RAB38: variants seen among roughly 807,000 people sequenced by gnomAD.
The protein encoded by RAB38 is ras-related protein Rab-38.
A neutral mutation model predicts 18.4 loss-of-function variants in RAB38; 15 were observed. That is an observed-to-expected ratio of 0.82 (90% CI 0.55 to 1.26). The LOEUF is 1.26. RAB38 is among the 50% of genes most tolerant of loss of function. RAB38 has a pLI of 0.00. For synonymous variants in RAB38, 101 were observed against 104.4 expected (o/e 0.97, Z 0.20); for missense variants, 294 against 267.4 (o/e 1.10, Z -0.69).
chr11:88,097,932 T>TG, the RAB38 span: 1 of 151,942 alleles, frequency 6.6e-6, no homozygotes, highest in African/African-American at 2.4e-5. Context: ...GAGTATCACT[T>TG]TATCAATACT....
the RAB38 span, among the ~76,000 whole-genome samples, chr11:88,075,269 C>T: frequency 1.3e-5 from 2 of 152,162 alleles, no homozygotes; most frequent in Non-Finnish European, 2.9e-5. Flanking sequence ...GCACATGGAA[C>T]ATTCTACAAA....
At chr11:87,890,896 T>C in the RAB38 span, among the ~76,000 whole-genome samples, 40 of 151,856 alleles carry the variant, frequency 2.6e-4, no homozygotes, top group Non-Finnish European at 5.3e-4. Context: ...ACTGAAAACA[T>C]GGGAACCCTT....
chr11:88,129,193 G>A (rs1942739272), intron 2 of RAB38, among the ~76,000 whole-genome samples: 1 of 152,118 alleles, frequency 6.6e-6, no homozygotes, highest in African/African-American at 2.4e-5. Flanking sequence ...GTAGAAAACT[G>A]AGGCTATAAT....
the RAB38 span, among the ~76,000 whole-genome samples, chr11:88,014,897 G>A: frequency 6.6e-6 from 1 of 152,066 alleles, no homozygotes; most frequent in Non-Finnish European, 1.5e-5. Flanking sequence ...GGCTTCTGTG[G>A]GAAACAAGAC....
At chr11:87,956,102 AACAT>A in the RAB38 span, among the ~76,000 whole-genome samples, 8 of 115,824 alleles carry the variant, frequency 6.9e-5, no homozygotes, top group South Asian at 3.4e-4. Flanking sequence ...TTTAAAAACA[AACAT>A]ACATACATAC....
chr11:87,897,323 T>C, the RAB38 span, among the ~76,000 whole-genome samples: 1 of 151,578 alleles, frequency 6.6e-6, no homozygotes, highest in African/African-American at 2.4e-5. Flanking sequence ...TGTAAATATT[T>C]AACTATTGTA....
chr11:88,063,871 T>A, the RAB38 span, among the ~76,000 whole-genome samples: 1 of 152,220 alleles, frequency 6.6e-6, no homozygotes, highest in East Asian at 1.9e-4. Flanking sequence ...CTTTCCTTTA[T>A]AAATTACCCA....
At chr11:88,069,973 T>C in the RAB38 span, among the ~76,000 whole-genome samples, 4 of 152,146 alleles carry the variant, frequency 2.6e-5, no homozygotes, top group African/African-American at 9.7e-5. Flanking sequence ...CTCTGTAAAA[T>C]GGGCCAATTA....
the RAB38 span, among the ~76,000 whole-genome samples, chr11:87,823,115 A>T: frequency 6.6e-6 from 1 of 152,182 alleles, no homozygotes. Flanking sequence ...AAGAGTTAAT[A>T]GATAGATTTG....
chr11:88,076,251 A>G, the RAB38 span, among the ~76,000 whole-genome samples: 3 of 152,044 alleles, frequency 2.0e-5, no homozygotes, highest in Non-Finnish European at 4.4e-5. Context: ...TCATACAACA[A>G]ACAGGCATAG....
intron 2 of RAB38, among the ~76,000 whole-genome samples, chr11:88,138,083 G>A (rs1267150846): frequency 2.6e-5 from 4 of 152,110 alleles, no homozygotes; most frequent in Admixed American, 6.6e-5. Context: ...ATGGAATCCA[G>A]GAAGCAGGCA....
intron 1 of RAB38, chr11:88,173,638 C>T: frequency 1.0e-6 from 1 of 985,444 alleles, no homozygotes; most frequent in Non-Finnish European, 1.2e-6. Context: ...GTTTCTAAAT[C>T]TGAATCCTGA....
the RAB38 span, among the ~76,000 whole-genome samples, chr11:87,842,119 A>G: frequency 6.6e-6 from 1 of 152,214 alleles, no homozygotes; most frequent in South Asian, 2.1e-4. Flanking sequence ...GAGAAGTGTT[A>G]TGGATGAATA....
the RAB38 span, among the ~76,000 whole-genome samples, chr11:87,878,971 A>ATTTT: frequency 2.4e-3 from 323 of 133,732 alleles, 3 homozygotes; most frequent in Middle Eastern, 4.2e-3. Flanking sequence ...GCAATTACTG[A>ATTTT]TTTTTTTTTT....
chr11:87,977,783 TCATA>T, the RAB38 span, among the ~76,000 whole-genome samples: 7 of 111,864 alleles, frequency 6.3e-5, no homozygotes, highest in African/African-American at 2.5e-4. Context: ...ATATATTATA[TCATA>T]GTTATATATA....
chr11:87,943,001 C>T, the RAB38 span, among the ~76,000 whole-genome samples: 1 of 152,026 alleles, frequency 6.6e-6, no homozygotes, highest in Non-Finnish European at 1.5e-5. Context: ...CTCTAAAATC[C>T]AGAAAATTGG....
intron 1 of RAB38, among the ~76,000 whole-genome samples, chr11:88,160,511 T>C (rs1279701223): frequency 3.3e-5 from 5 of 152,078 alleles, no homozygotes; most frequent in Admixed American, 3.3e-4. Context: ...CAAATCATTC[T>C]ACCAAAAACA....
the RAB38 span, among the ~76,000 whole-genome samples, chr11:87,905,741 A>G: frequency 2.6e-5 from 4 of 151,908 alleles, no homozygotes; most frequent in Non-Finnish European, 4.4e-5. Context: ...AGCATTTTCA[A>G]GTATCATCCT....
the RAB38 span, among the ~76,000 whole-genome samples, chr11:87,910,411 T>C: frequency 6.6e-6 from 1 of 152,086 alleles, no homozygotes; most frequent in Admixed American, 6.6e-5. Context: ...GTCTGCCTTT[T>C]TTTTCATTCT....
Sources: allele counts gnomAD v4.1 joint callset (sites outside exome capture counted in the v4.1 genomes callset), GRCh38; gene constraint gnomAD v4.1.1; transcripts MANE v1.5; gene names NCBI Gene and HGNC (gene_info 2026-07-23, HGNC 2026-07-21).